CSMD1: variants seen among roughly 807,000 people sequenced by gnomAD.
CSMD1 encodes CUB and Sushi multiple domains 1, also known as CUB and sushi domain-containing protein 1.
In CSMD1, 213 loss-of-function variants were observed where a neutral mutation model predicts 417.5. That is an observed-to-expected ratio of 0.51 (90% CI 0.46 to 0.57). CSMD1 has a LOEUF of 0.57. Among genes scored for constraint, CSMD1 ranks in the 20% least tolerant of loss-of-function variants. The probability of loss-of-function intolerance (pLI) is 0.00; values close to 1 mark genes in which losing one functional copy is unlikely to be tolerated. For missense variants in CSMD1, 6,923 were observed against 4,529.7 expected (o/e 1.53, Z -15.17); for synonymous variants, 2,862 against 1,736.8 (o/e 1.65, Z -16.11).
At chr8:3,057,765 A>G (rs1309234038) in intron 49 of CSMD1, among the ~76,000 whole-genome samples, 1 of 152,192 alleles carries the variant, frequency 6.6e-6, no homozygotes, top group Non-Finnish European at 1.5e-5. Flanking sequence ...TCCCATTACT[A>G]AAGATGCCCG....
rs140930256 is a variant in CSMD1, at chr8:3,916,611, C to T, written c.818+81292G>A. 1.3e-4 allele frequency among the ~76,000 whole-genome samples: 20 copies of T among 152,170 alleles called. 1 individual carries two copies. The highest frequency in any genetic ancestry group is 4.3e-4 in the African/African-American group (18 of 41,514). The stretch of plus-strand genomic sequence containing the variant: ...AGGTGACAATATGAACTTTAGTAGG[C>T]GACTGCAAATGTACTTAACATATAG... On this transcript the variant is annotated intron_variant, in intron 5 of 69. Transcript: ENST00000635120.
intron 3 of CSMD1, among the ~76,000 whole-genome samples, chr8:4,119,760 G>T (rs1220658873): frequency 6.6e-6 from 1 of 152,146 alleles, no homozygotes; most frequent in African/African-American, 2.4e-5. Flanking sequence ...AACATCCATG[G>T]CATTTTGCTA....
chr8:4,034,977 T>G (rs191906651), intron 3 of CSMD1, among the ~76,000 whole-genome samples: 117 of 152,322 alleles, frequency 7.7e-4, no homozygotes, highest in African/African-American at 2.7e-3. Context: ...TCTGCGCGAC[T>G]CTTCTATACG....
At chr8:4,568,556 T>C (rs1224319818) in intron 2 of CSMD1, among the ~76,000 whole-genome samples, 4 of 152,204 alleles carry the variant, frequency 2.6e-5, no homozygotes, top group Non-Finnish European at 5.9e-5. Flanking sequence ...GGTTTTTCTA[T>C]ACTAAATGGT....
At chr8:2,967,350 T>C (rs754406292) in intron 57 of CSMD1, among the ~76,000 whole-genome samples, 3 of 152,226 alleles carry the variant, frequency 2.0e-5, no homozygotes, top group Non-Finnish European at 2.9e-5. Context: ...TTTGACATGA[T>C]TGAACTTTAC....
At chr8:4,174,443 G>A (rs1016380838) in intron 3 of CSMD1, among the ~76,000 whole-genome samples, 2 of 151,662 alleles carry the variant, frequency 1.3e-5, no homozygotes, top group South Asian at 2.1e-4. Flanking sequence ...TCCTGACAAT[G>A]GTTTTTCTAT....
chr8:4,272,938 G>C (rs62481989), intron 3 of CSMD1, among the ~76,000 whole-genome samples: 5 of 152,116 alleles, frequency 3.3e-5, no homozygotes, highest in Admixed American at 3.3e-4. Context: ...TGTAAGAAAG[G>C]AAATTAGTTC....
At chr8:3,653,475 T>G (rs935445478) in intron 7 of CSMD1, among the ~76,000 whole-genome samples, 8 of 152,134 alleles carry the variant, frequency 5.3e-5, no homozygotes, top group Non-Finnish European at 7.4e-5. Flanking sequence ...CACCCGGCTA[T>G]TTTTCATATT....
chr8:4,712,978 G>C (rs1305389712), intron 1 of CSMD1, among the ~76,000 whole-genome samples: 3 of 152,188 alleles, frequency 2.0e-5, no homozygotes, highest in East Asian at 3.9e-4. Context: ...AAATCCACGG[G>C]AATTACTGGC....
intron 5 of CSMD1, among the ~76,000 whole-genome samples, chr8:3,863,541 C>G (rs917312686): frequency 3.3e-5 from 5 of 152,080 alleles, no homozygotes; most frequent in Non-Finnish European, 5.9e-5. Context: ...TAGGAGGACA[C>G]CAACATTCAG....
chr8:3,308,286 A>G (rs1805045218), intron 24 of CSMD1, 26 bp downstream of exon 24: 3 of 1,575,636 alleles, frequency 1.9e-6, no homozygotes, highest in South Asian at 1.1e-5. Flanking sequence ...GCTTTTGCAC[A>G]ATGGTATGAC....
In CSMD1 at chr8:4,152,580, C is replaced by A. The variant is rs375303361; in HGVS notation, c.416-120481G>T. The stretch of plus-strand genomic sequence containing the variant: ...TGGTGCACACTTGTGTTCCCAACTC[C>A]TTGGGAGGCTTAAGTGGGAAGATCG... On this transcript the variant is annotated intron_variant, in intron 3 of 69. Coordinates refer to ENST00000635120, the MANE Select transcript of CSMD1 (RefSeq NM_033225.6). Among the ~76,000 whole-genome samples the A allele has an allele frequency of 2.0e-5, 3 of 151,850 alleles. No individual in the cohort carries two copies. In the South Asian group the frequency reaches 6.2e-4, roughly 32 times the overall value.
intron 3 of CSMD1, among the ~76,000 whole-genome samples, chr8:4,359,635 C>T (rs564297576): frequency 2.0e-5 from 3 of 152,302 alleles, no homozygotes; most frequent in South Asian, 2.1e-4. Context: ...GTGTTTGAGT[C>T]ATGCTCCCCT....
chr8:3,109,452 C>G (rs1470782916), intron 43 of CSMD1, among the ~76,000 whole-genome samples: 4 of 152,186 alleles, frequency 2.6e-5, no homozygotes, highest in African/African-American at 9.7e-5. Flanking sequence ...CTCACATCCA[C>G]TGACTCTGGT....
chr8:3,832,164 G>C (rs1802415688), intron 5 of CSMD1, among the ~76,000 whole-genome samples: 1 of 152,164 alleles, frequency 6.6e-6, no homozygotes, highest in African/African-American at 2.4e-5. Context: ...TGAAAATTAA[G>C]AAAGGCAAAC....
At chr8:4,342,500 G>T (rs1207684536) in intron 3 of CSMD1, among the ~76,000 whole-genome samples, 1 of 152,044 alleles carries the variant, frequency 6.6e-6, no homozygotes, top group Non-Finnish European at 1.5e-5. Context: ...ATCAGCCAGG[G>T]TAGGTTTCAT....
chr8:3,815,349 T>C (rs1047881260), intron 5 of CSMD1, among the ~76,000 whole-genome samples: 8 of 152,102 alleles, frequency 5.3e-5, no homozygotes, highest in Non-Finnish European at 7.4e-5. Context: ...TCGGAACACA[T>C]CAGGAGTTAG....
intron 5 of CSMD1, among the ~76,000 whole-genome samples, chr8:3,987,401 G>C (rs886453399): frequency 1.3e-5 from 2 of 152,166 alleles, no homozygotes; most frequent in Non-Finnish European, 2.9e-5. Context: ...ACGACTAATG[G>C]ATACAGGGGT....
At chr8:3,075,920 G>A (rs866414812) in intron 49 of CSMD1, among the ~76,000 whole-genome samples, 16 of 151,560 alleles carry the variant, frequency 1.1e-4, no homozygotes, top group Middle Eastern at 3.4e-3. Flanking sequence ...GCGTGGTGGC[G>A]GGCGCCTGTA....
Sources: gnomAD v4.1 joint callset for allele counts (sites outside exome capture counted in the v4.1 genomes callset) on GRCh38, gnomAD v4.1.1 for gene constraint, MANE v1.5 for transcripts, NCBI Gene and HGNC (gene_info 2026-07-23, HGNC 2026-07-21) for gene names.